Variants in LRBA observed in about 807,000 individuals in gnomAD.
LRBA encodes LPS responsive beige-like anchor protein.
In LRBA, 176 loss-of-function variants were observed where a neutral mutation model predicts 330.0. That is an observed-to-expected ratio of 0.53 (90% confidence interval 0.47 to 0.60). The LOEUF (loss-of-function observed/expected upper bound fraction) is 0.60. Ranked by LOEUF, LRBA falls within the 20% of genes least tolerant of loss-of-function variation. LRBA has a pLI of 0.00. For missense variants in LRBA, 3,259 were observed against 3,444.8 expected (o/e 0.95, Z 1.35); for synonymous variants, 1,230 against 1,193.0 (o/e 1.03, Z -0.64).
At chr4:150,592,148 T>G (rs944645605) in intron 38 of LRBA, among the ~76,000 whole-genome samples, 2 of 137,968 alleles carry the variant, frequency 1.4e-5, no homozygotes, top group Non-Finnish European at 3.2e-5. Context: ...GCTAGGGTTT[T>G]TTTTTTTTTT....
chr4:150,921,802 C>T lies in LRBA; in HGVS notation c.550-509G>A, dbSNP rs1373310298. Among the ~76,000 whole-genome samples, 3 of 152,172 alleles carry T rather than the reference C, an allele frequency of 2.0e-5. No individual in the cohort carries two copies. In the East Asian group the frequency reaches 5.8e-4, roughly 30 times the overall value. On this transcript the variant is annotated intron_variant, in intron 4 of 56. Coordinates refer to ENST00000651943, the MANE Select transcript of LRBA (RefSeq NM_001364905.1). ...GTGCAATGGCATGATCTCGGCTCAC[C>T]GCAACCTCCGCCTCCCAGGTTCAAG...
At chr4:150,532,906 GA>G (rs950048113) in intron 40 of LRBA, among the ~76,000 whole-genome samples, 6 of 151,864 alleles carry the variant, frequency 4.0e-5, no homozygotes, top group Admixed American at 1.3e-4. Context: ...ATACTGAGAG[GA>G]AAAAAACTAT....
At chr4:150,585,264 C>T (rs907073285) in intron 40 of LRBA, among the ~76,000 whole-genome samples, 3 of 152,094 alleles carry the variant, frequency 2.0e-5, no homozygotes, top group Non-Finnish European at 2.9e-5. Context: ...TGATATGAAC[C>T]ATTCAGATTT....
intron 44 of LRBA, among the ~76,000 whole-genome samples, chr4:150,447,915 TAAG>T (rs1752813828): frequency 6.6e-6 from 1 of 152,186 alleles, no homozygotes. Flanking sequence ...TGACATTACT[TAAG>T]AAGCTCATTT....
chr4:150,852,154 C>T lies in LRBA; in HGVS notation c.3556G>A (p.Gly1186Arg). Residue 1186 changes from glycine (G) to arginine (R), a missense_variant, in exon 23 of 57, where the codon GGG becomes AGG. Physicochemically the swap from Gly to Arg is moderately radical, Grantham distance 125. Coordinates refer to ENST00000651943, the MANE Select transcript of LRBA (RefSeq NM_001364905.1). ...DSGIQTMTAS[G>R]SSAMSPETTV... The stretch of plus-strand genomic sequence containing the variant: ...GTTTCTGGTGACATAGCTGAAGACC[C>T]TGATGCTGTCATAGTCTGAATTCCA... The T allele has an allele frequency of 6.2e-7, 1 of 1,614,136 alleles. No individual in the cohort carries two copies. Among genetic ancestry groups the T allele is most frequent in the Non-Finnish European group, 8.5e-7 (1 of 1,179,978 alleles).
chr4:150,427,586 G>T (rs1328598860), intron 46 of LRBA, among the ~76,000 whole-genome samples: 1 of 151,844 alleles, frequency 6.6e-6, no homozygotes, highest in African/African-American at 2.4e-5. Flanking sequence ...ACAGAAGGAA[G>T]GAGGGAAGAT....
chr4:150,732,465 C>A (rs184079984), intron 36 of LRBA, among the ~76,000 whole-genome samples: 1 of 151,994 alleles, frequency 6.6e-6, no homozygotes, highest in African/African-American at 2.4e-5. Flanking sequence ...TTCAACAGTA[C>A]GTTATCATTC....
intron 2 of LRBA, among the ~76,000 whole-genome samples, chr4:150,968,970 T>C (rs1043961024): frequency 6.6e-6 from 1 of 152,206 alleles, no homozygotes; most frequent in African/African-American, 2.4e-5. Flanking sequence ...AAATGTACTC[T>C]GCCTATGCTC....
chr4:150,772,987 T>C (rs1269418330), intron 34 of LRBA, among the ~76,000 whole-genome samples: 2 of 152,198 alleles, frequency 1.3e-5, no homozygotes, highest in African/African-American at 2.4e-5. Flanking sequence ...GTCACTAGCA[T>C]GTACCTTTTT....
At chr4:150,930,253 T>A (rs1490029208) in intron 2 of LRBA, among the ~76,000 whole-genome samples, 1 of 151,600 alleles carries the variant, frequency 6.6e-6, no homozygotes, top group South Asian at 2.1e-4. Flanking sequence ...TGGCAGAGAT[T>A]GCAGTGAGCT....
chr4:150,832,872 A>G (rs940946529), intron 28 of LRBA, among the ~76,000 whole-genome samples: 2 of 152,096 alleles, frequency 1.3e-5, no homozygotes, highest in Non-Finnish European at 2.9e-5. Flanking sequence ...CATGCTCAAG[A>G]GATCTTCCTG....
chr4:150,533,445 T>A (rs1764261721), intron 40 of LRBA, among the ~76,000 whole-genome samples: 1 of 152,090 alleles, frequency 6.6e-6, no homozygotes, highest in Admixed American at 6.6e-5. Flanking sequence ...AGGCTGGGAT[T>A]ACAGATGTGA....
At chr4:150,966,735 T>C (rs1380922947) in intron 2 of LRBA, among the ~76,000 whole-genome samples, 1 of 152,206 alleles carries the variant, frequency 6.6e-6, no homozygotes, top group East Asian at 1.9e-4. Context: ...GTTTAAGCAT[T>C]TGGCTGAGTT....
At chr4:150,927,244 A>G (rs1178885870) in intron 4 of LRBA, among the ~76,000 whole-genome samples, 1 of 151,524 alleles carries the variant, frequency 6.6e-6, no homozygotes, top group African/African-American at 2.4e-5. Context: ...TTGGTGGCAT[A>G]CGCCTGTAGT....
In LRBA at chr4:150,850,790, T is replaced by G. The variant is rs1233343237; in HGVS notation, c.3938A>C (p.Gln1313Pro). The G allele has an allele frequency of 3.1e-6, 5 of 1,613,462 alleles. No homozygotes were observed. The East Asian group carries it at 1.1e-4, about 36-fold the overall frequency. ...ATCAGTGAGCAAACGTTGATGCATC[T>G]GAGACCAGTTGAACTCAGGAATACG... Reference protein sequence around the residue: ...VFRIPEFNWSQMHQRLLTDLL... With the variant: ...VFRIPEFNWSPMHQRLLTDLL... The change falls in exon 24 of 57, where the codon CAG (glutamine) becomes CCG (proline). Residue 1313 changes from glutamine to proline, a missense_variant. By Grantham distance (76) the Gln-to-Pro change is moderately conservative. Coordinates refer to ENST00000651943, the MANE Select transcript of LRBA (RefSeq NM_001364905.1).
At chr4:150,481,924 A>T (rs1325926347) in intron 42 of LRBA, among the ~76,000 whole-genome samples, 1 of 152,136 alleles carries the variant, frequency 6.6e-6, no homozygotes, top group East Asian at 1.9e-4. Context: ...GTATGTTTTC[A>T]TTACTCTTGA....
At chr4:150,967,021 A>G (rs949120253) in intron 2 of LRBA, among the ~76,000 whole-genome samples, 4 of 152,190 alleles carry the variant, frequency 2.6e-5, no homozygotes, top group Non-Finnish European at 4.4e-5. Flanking sequence ...GAGATCTACT[A>G]TTTACTCCAT....
At chr4:150,898,894 G>C (rs1019801422) in intron 14 of LRBA, among the ~76,000 whole-genome samples, 2 of 152,058 alleles carry the variant, frequency 1.3e-5, no homozygotes, top group Non-Finnish European at 2.9e-5. Context: ...TAAATTATAG[G>C]TACCAGATTC....
intron 2 of LRBA, among the ~76,000 whole-genome samples, chr4:150,948,588 A>G (rs754374688): frequency 3.3e-5 from 5 of 152,036 alleles, no homozygotes; most frequent in Non-Finnish European, 7.4e-5. Flanking sequence ...AGATCCATAC[A>G]GGGAAAACTG....
Sources: allele counts gnomAD v4.1 joint callset (sites outside exome capture counted in the v4.1 genomes callset), GRCh38; gene constraint gnomAD v4.1.1; transcripts MANE v1.5; gene names NCBI Gene and HGNC (gene_info 2026-07-23, HGNC 2026-07-21).